The following TUBB4B variants were observed in gnomAD, a reference collection of about 807,000 sequenced individuals.
The protein encoded by TUBB4B is tubulin beta-4B chain.
A neutral mutation model predicts 34.3 loss-of-function variants in TUBB4B; 7 were observed. The observed-to-expected ratio is 0.20, with a 90% CI of 0.12 to 0.38. The LOEUF (loss-of-function observed/expected upper bound fraction) is 0.38, where lower values mean the gene tolerates loss of function less well. Among genes scored for constraint, TUBB4B ranks in the 10% least tolerant of loss-of-function variants. The probability of loss-of-function intolerance (pLI) is 1.00; values close to 1 mark genes in which losing one functional copy is unlikely to be tolerated. For missense variants in TUBB4B, 178 were observed against 610.9 expected (o/e 0.29, Z 7.47); for synonymous variants, 390 against 250.2 (o/e 1.56, Z -5.27).
chr9:137,241,300 C>A lies in TUBB4B; in HGVS notation c.-61C>A. 1 of 1,562,784 alleles carries A rather than the reference C, an allele frequency of 6.4e-7. No individual in the cohort carries two copies. The highest frequency in any genetic ancestry group is 2.4e-5 in the East Asian group (1 of 41,700). On this transcript the variant is annotated 5_prime_UTR_variant, in exon 1 of 4. Transcript: ENST00000340384. ...AGCGTCGGTTGTAGCACTCTGCGCG[C>A]CCGCTCTTCTGCTGCTGTTTGTCTA... is the stretch of plus-strand genomic sequence containing the variant.
In TUBB4B at chr9:137,241,324, T is replaced by A. The variant is rs368345353; in HGVS notation, c.-37T>A. 6 of 1,587,906 alleles carry A rather than the reference T, an allele frequency of 3.8e-6. No individual in the cohort carries two copies. In the African/African-American group the frequency reaches 5.4e-5, roughly 14 times the overall value. ...GCCCGCTCTTCTGCTGCTGTTTGTCTACTTCCTCCTGCTTCCCCGCCGCCG... is the reference window on the plus strand; with the variant it reads ...GCCCGCTCTTCTGCTGCTGTTTGTCAACTTCCTCCTGCTTCCCCGCCGCCG... On this transcript the variant is annotated 5_prime_UTR_variant, in exon 1 of 4. Transcript: ENST00000340384.
chr9:137,241,646 G>A, intron 1 of TUBB4B, 75 bp from the exon 2 acceptor site: 1 of 1,096,468 alleles, frequency 9.1e-7, no homozygotes, highest in Non-Finnish European at 1.2e-6. Flanking sequence ...CCCGTCCGGG[G>A]CGGGGCTGCC....
rs143915816 is a variant in TUBB4B, at chr9:137,242,380, C to T, written c.278-116C>T. ...GGCTTTGAAGGGTCCGTTTGCTCTA[C>T]CTCCAGGGTGAATTCTGTGGTCAGC... On this transcript the variant is annotated intron_variant, in intron 3 of 3. Transcript: ENST00000340384. 6.7e-3 allele frequency: 8,595 copies of T among 1,292,466 alleles called. 47 individuals are homozygous for T. Among genetic ancestry groups the T allele is most frequent in the South Asian group, 0.012 (859 of 69,958 alleles). The allele number at this position is 1,292,466 out of a possible 1,614,324, so 80.1% of individuals were successfully genotyped here.
Position 137,242,487 on chromosome 9 carries a change from C to A in TUBB4B, c.278-9C>A. 1 of 1,609,756 alleles carries A rather than the reference C, an allele frequency of 6.2e-7. No individual in the cohort carries two copies. On this transcript the variant is annotated splice_polypyrimidine_tract_variant and intron_variant, in intron 3 of 3. Transcript: ENST00000340384. ...TGGCTGACAAATGATTAGCTGTGTT[C>A]TCTCACAGGTCAGAGTGGTGCTGGG...
At position 137,243,703 on chromosome 9, in the gene TUBB4B, T is replaced by TA; in HGVS notation, c.*148dup. On this transcript the variant is annotated 3_prime_UTR_variant, in exon 4 of 4. Transcript: ENST00000340384. ...AGACACCACCATTAAAGCATTTTCA[T>TA]AGTGTGTGGTTTCGCTTTGCCCATT... 1 of 1,614,158 alleles carries TA rather than the reference T, an allele frequency of 6.2e-7. No individual in the cohort carries two copies. The highest frequency in any genetic ancestry group is 8.5e-7 in the Non-Finnish European group (1 of 1,180,002).
intron 1 of TUBB4B, 111 bp from the exon 2 acceptor site, chr9:137,241,610 G>C: frequency 1.3e-6 from 1 of 747,592 alleles, no homozygotes; most frequent in South Asian, 5.9e-5. Context: ...GGGCGGGGGA[G>C]GGGCGGGGAG....
intron 3 of TUBB4B, 87 bp downstream of exon 3, chr9:137,242,108 C>T (rs1223202351): frequency 4.7e-6 from 6 of 1,285,868 alleles, no homozygotes; most frequent in East Asian, 5.0e-5. Flanking sequence ...CAGCCGGGGC[C>T]CCTGGACGCC....
At chr9:137,242,042 G>A (rs1205081165) in intron 3 of TUBB4B, 21 bp downstream of exon 3, 1 of 1,607,168 alleles carries the variant, frequency 6.2e-7, no homozygotes, top group South Asian at 1.1e-5. Context: ...GCTGGGGACT[G>A]GGCGGCGGCT....
chr9:137,243,278 T>A lies in TUBB4B; in HGVS notation c.1060T>A (p.Cys354Ser), dbSNP rs1044249010. 6.2e-7 allele frequency: 1 copy of A among 1,613,628 alleles called. No homozygotes were observed. The highest frequency in any genetic ancestry group is 8.5e-7 in the Non-Finnish European group (1 of 1,180,036). The change falls in exon 4 of 4, where the codon TGT (cysteine) becomes AGT (serine). Residue 354 changes from cysteine to serine, a missense_variant. Physicochemically the swap from Cys to Ser is moderately radical, Grantham distance 112. Coordinates refer to ENST00000340384, the MANE Select transcript of TUBB4B (RefSeq NM_006088.6). The stretch of plus-strand genomic sequence containing the variant: ...CCCCAACAATGTGAAAACGGCTGTC[T>A]GTGACATCCCACCTCGGGGGCTAAA... ...WIPNNVKTAV[C>S]DIPPRGLKMS...
rs755180472 is a variant in TUBB4B, at chr9:137,242,146, C to G, written c.277+125C>G. 6.2e-5 allele frequency: 62 copies of G among 992,888 alleles called. No homozygotes were observed. The Admixed American group carries it at 6.6e-4, about 10-fold the overall frequency. 61.5% of individuals were successfully genotyped at this position (992,888 alleles called of 1,614,324 possible). A position where few individuals can be genotyped will look rare whatever the true frequency, so the allele number is the denominator to read the frequency against. On this transcript the variant is annotated intron_variant, in intron 3 of 3. Coordinates refer to ENST00000340384, the MANE Select transcript of TUBB4B (RefSeq NM_006088.6). ...CCTCTTCTCTGAGCCACTCAATCCC[C>G]TCTACTAAATCGGCTTTGGGAGCAA...
At position 137,242,786 on chromosome 9, in the gene TUBB4B, C is replaced by T. The variant is rs1323690438; in HGVS notation, c.568C>T (p.His190Tyr). ...GCCCTACAACGCCACCCTCTCAGTC[C>T]ACCAGCTCGTAGAAAACACAGACGA... ...VEPYNATLSVHQLVENTDETY... is the reference protein window; with the variant it reads ...VEPYNATLSVYQLVENTDETY... The change falls in exon 4 of 4, where the codon CAC becomes TAC. Residue 190 changes from histidine to tyrosine, a missense_variant. Transcript: ENST00000340384. 2 of 1,613,766 alleles carry T rather than the reference C, an allele frequency of 1.2e-6. No individual in the cohort carries two copies. Among genetic ancestry groups the T allele is most frequent in the South Asian group, 1.1e-5 (1 of 91,088 alleles).
chr9:137,242,202 CCA>C, intron 3 of TUBB4B, 181 bp downstream of exon 3: 2 of 689,804 alleles, frequency 2.9e-6, no homozygotes, highest in East Asian at 2.7e-5. Context: ...CGAGGAGCCG[CCA>C]CACACGTAAT....
chr9:137,241,550 G>C, intron 1 of TUBB4B, 133 bp downstream of exon 1: 1 of 908,094 alleles, frequency 1.1e-6, no homozygotes, highest in Non-Finnish European at 1.3e-6. Context: ...CGGGGAATTG[G>C]CCGAGCCGGG....
chr9:137,241,508 G>GC, intron 1 of TUBB4B, 91 bp downstream of exon 1: 1 of 1,118,314 alleles, frequency 8.9e-7, no homozygotes, highest in African/African-American at 1.6e-5. Flanking sequence ...GCCGGGCGGC[G>GC]CCCCCGCATT....
chr9:137,241,666 A>G (rs1365779900), intron 1 of TUBB4B, 55 bp from the exon 2 acceptor site: 1 of 1,443,464 alleles, frequency 6.9e-7, no homozygotes, highest in Non-Finnish European at 9.3e-7. Context: ...CTCCCTGCGC[A>G]CCGGCCGCGG....
chr9:137,241,602 G>C (rs1349179259), intron 1 of TUBB4B, 119 bp from the exon 2 acceptor site: 1 of 752,084 alleles, frequency 1.3e-6, no homozygotes, highest in Non-Finnish European at 1.6e-6. Flanking sequence ...GGCGCGCGGG[G>C]CGGGGGAGGG....
Position 137,241,346 on chromosome 9 carries a change from G to GCCA in TUBB4B, c.-13_-12insACC. ...GTCTACTTCCTCCTGCTTCCCCGCCGCCGCCGCCGCCATCATGAGGGAAAT... is the reference window on the plus strand; with the variant it reads ...GTCTACTTCCTCCTGCTTCCCCGCCGCCACCGCCGCCGCCATCATGAGGGAAAT... On this transcript the variant is annotated 5_prime_UTR_variant, in exon 1 of 4. Transcript: ENST00000340384. 1 of 1,592,056 alleles carries GCCA rather than the reference G, an allele frequency of 6.3e-7. No homozygotes were observed. Among genetic ancestry groups the GCCA allele is most frequent in the Non-Finnish European group, 8.5e-7 (1 of 1,174,204 alleles).
rs766392950 is a variant in TUBB4B at position 137,242,489 on chromosome 9, C to T, written c.278-7C>T. On this transcript the variant is annotated splice_region_variant and splice_polypyrimidine_tract_variant and intron_variant, in intron 3 of 3. Transcript: ENST00000340384. ...GCTGACAAATGATTAGCTGTGTTCTCTCACAGGTCAGAGTGGTGCTGGGAA... is the reference window on the plus strand; with the variant it reads ...GCTGACAAATGATTAGCTGTGTTCTTTCACAGGTCAGAGTGGTGCTGGGAA... 1.4e-5 allele frequency: 23 copies of T among 1,610,562 alleles called. No individual in the cohort carries two copies. The highest frequency in any genetic ancestry group is 1.6e-4 in the Middle Eastern group (1 of 6,074).
At position 137,241,505 on chromosome 9, in the gene TUBB4B, G is replaced by A. The variant is rs1159433068; in HGVS notation, c.57+88G>A. 6 of 1,142,790 alleles carry A rather than the reference G, an allele frequency of 5.3e-6. No individual in the cohort carries two copies. The Admixed American group carries it at 1.9e-4, about 36-fold the overall frequency. The allele number at this position is 1,142,790 out of a possible 1,614,324, so 70.8% of individuals were successfully genotyped here. Reference sequence around the variant, plus strand: ...AAGATGGCGGCAGCAGCGGCCGGGCGGCGCCCCCGCATTGCGGCCGCCGGG... The same window carrying A: ...AAGATGGCGGCAGCAGCGGCCGGGCAGCGCCCCCGCATTGCGGCCGCCGGG... On this transcript the variant is annotated intron_variant, in intron 1 of 3. Transcript: ENST00000340384.
Sources: gnomAD v4.1 joint callset for allele counts on GRCh38, gnomAD v4.1.1 for gene constraint, MANE v1.5 for transcripts, NCBI Gene and HGNC (gene_info 2026-07-23, HGNC 2026-07-21) for gene names.